PRKDC: variants seen among roughly 807,000 people sequenced by gnomAD.
PRKDC encodes DNA-dependent protein kinase catalytic subunit.
A neutral mutation model predicts 486.9 loss-of-function variants in PRKDC; 82 were observed. The ratio of observed to expected loss-of-function variants is 0.17; its 90% CI spans 0.14 to 0.20. PRKDC has a LOEUF of 0.20. Among genes scored for constraint, PRKDC ranks in the 10% least tolerant of loss-of-function variants. The pLI is 1.00. For synonymous variants in PRKDC, 1,895 were observed against 1,837.0 expected (o/e 1.03, Z -0.81); for missense variants, 4,504 against 5,038.2 (o/e 0.89, Z 3.21).
At chr8:47,936,072 A>C (rs1176003612) in intron 12 of PRKDC, among the ~76,000 whole-genome samples, 172 bp from the exon 13 acceptor site, 1 of 152,188 alleles carries the variant, frequency 6.6e-6, no homozygotes, top group Non-Finnish European at 1.5e-5. Context: ...TTAAAAAAAA[A>C]ACACACACTC....
chr8:47,960,105 C>T lies in PRKDC; in HGVS notation c.22G>A (p.Val8Met). The T allele has an allele frequency of 6.6e-7, 1 of 1,511,796 alleles. No individual in the cohort carries two copies. The highest frequency in any genetic ancestry group is 2.3e-4 in the Middle Eastern group (1 of 4,318). 93.6% of individuals were successfully genotyped at this position (1,511,796 alleles called of 1,614,324 possible). A position where few individuals can be genotyped will look rare whatever the true frequency, so the allele number is the denominator to read the frequency against. Reference protein sequence around the residue: MAGSGAGVRCSLLRLQET... With the variant: MAGSGAGMRCSLLRLQET... ...TGCAGCCGCAGCAGGGAGCAACGCA[C>T]ACCGGCTCCGGAGCCCGCCATGCCG... The change falls in exon 1 of 86, where the codon GTG (valine) becomes ATG (methionine). Residue 8 changes from valine to methionine, a missense_variant. Transcript: ENST00000314191.
chr8:47,957,208 A>AT lies in PRKDC; in HGVS notation c.286dup (p.Met96AsnfsTer11), dbSNP rs1415302197. ...AGAGTAAGGTGCGATCTTCTGGCCCATTTTTTCTAAGAAAATACATAAAAA... is the reference window on the plus strand; with the variant it reads ...AGAGTAAGGTGCGATCTTCTGGCCCATTTTTTTCTAAGAAAATACATAAAAA... On this transcript the variant is annotated frameshift_variant, in exon 3 of 86. Transcript: ENST00000314191. LOFTEE classifies it high-confidence loss of function. 1.2e-6 allele frequency: 2 copies of AT among 1,600,650 alleles called. No homozygotes were observed. Among genetic ancestry groups the AT allele is most frequent in the Non-Finnish European group, 1.7e-6 (2 of 1,170,130 alleles).
At chr8:47,904,017 T>C (rs2089729183) in intron 26 of PRKDC, among the ~76,000 whole-genome samples, 1 of 152,162 alleles carries the variant, frequency 6.6e-6, no homozygotes, top group African/African-American at 2.4e-5. Flanking sequence ...TAACCAGGGC[T>C]GTGCAGGAGA....
intron 68 of PRKDC, among the ~76,000 whole-genome samples, chr8:47,808,387 C>G (rs2087257834): frequency 1.3e-5 from 2 of 152,270 alleles, no homozygotes; most frequent in South Asian, 4.1e-4. Context: ...CTCAAGGAAT[C>G]CTTCTAAAGG....
chr8:47,959,906 C>T, intron 1 of PRKDC, 67 bp downstream of exon 1: 1 of 1,513,610 alleles, frequency 6.6e-7, no homozygotes, highest in Non-Finnish European at 8.8e-7. Context: ...AAGCGCCGGG[C>T]TGCCCGGCTC....
At position 47,874,536 on chromosome 8, in the gene PRKDC, T is replaced by C. The variant is rs542386765; in HGVS notation, c.5363+3188A>G. Among the ~76,000 whole-genome samples, 800 of 152,206 alleles carry C rather than the reference T, an allele frequency of 5.3e-3. 12 individuals are homozygous for C. The highest frequency in any genetic ancestry group is 0.019 in the African/African-American group (769 of 41,526). On this transcript the variant is annotated intron_variant, in intron 40 of 85. Coordinates refer to ENST00000314191, the MANE Select transcript of PRKDC (RefSeq NM_006904.7). Reference sequence around the variant, plus strand: ...ACTTTGGGCGGCTGAGGCGGGAGGATTGCCTGAGCTCAGGACTTTGAGACC... The same window carrying C: ...ACTTTGGGCGGCTGAGGCGGGAGGACTGCCTGAGCTCAGGACTTTGAGACC...
chr8:47,890,605 G>C, intron 31 of PRKDC, 125 bp from the exon 32 acceptor site: 1 of 603,802 alleles, frequency 1.7e-6, no homozygotes, highest in East Asian at 2.8e-5. Context: ...TTTTTCAAAA[G>C]AAACAAACAG....
At position 47,798,385 on chromosome 8, in the gene PRKDC, G is replaced by A; in HGVS notation, c.10310C>T (p.Ala3437Val). 6.2e-7 allele frequency: 1 copy of A among 1,600,162 alleles called. No homozygotes were observed. Among genetic ancestry groups the A allele is most frequent in the Non-Finnish European group, 8.5e-7 (1 of 1,174,098 alleles). ...AAGTGCTGGATACGCCTGCAGTTCT[G>A]CAGAATCAATAACTATCAAGGACAC... ...EEENASVIDS[A>V]ELQAYPALVV... Residue 3437 changes from alanine (A) to valine (V), a missense_variant, in exon 73 of 86, where the codon GCA becomes GTA. Transcript: ENST00000314191.
Position 47,855,371 on chromosome 8 carries a change from C to T in PRKDC, c.6612G>A (p.Gly2204=). 4 of 1,591,826 alleles carry T rather than the reference C, an allele frequency of 2.5e-6. No homozygotes were observed. The highest frequency in any genetic ancestry group is 2.6e-6 in the Non-Finnish European group (3 of 1,168,602). ...LSWTGLATPT[G]VPKDEVLANR... is the part of the protein sequence containing the mutation. ...TTGCTAACACTTCATCTTTAGGGAC[C>T]CCCTGAAAAGGTACAGAAATTCTGT... The change falls in exon 50 of 86, where the codon GGG becomes GGA. Residue 2204 remains glycine (G), a splice_region_variant and synonymous_variant. Transcript: ENST00000314191.
intron 25 of PRKDC, among the ~76,000 whole-genome samples, chr8:47,908,152 C>T (rs777653107): frequency 5.9e-5 from 9 of 152,340 alleles, no homozygotes; most frequent in South Asian, 2.1e-4. Context: ...AACCATGACA[C>T]GCAGGGTCCT....
chr8:47,834,146 A>G, intron 59 of PRKDC, 50 bp downstream of exon 59: 1 of 1,597,164 alleles, frequency 6.3e-7, no homozygotes. Flanking sequence ...TGAGCTCTGC[A>G]GTAATTTAGT....
At chr8:47,779,878 AC>A in intron 80 of PRKDC, among the ~76,000 whole-genome samples, 1 of 131,434 alleles carries the variant, frequency 7.6e-6, no homozygotes, top group Non-Finnish European at 1.6e-5. Context: ...GTGAGCCACC[AC>A]GCCTGGCCTC....
chr8:47,775,208 TA>T (rs1563727324), intron 85 of PRKDC, among the ~76,000 whole-genome samples: 4 of 150,880 alleles, frequency 2.7e-5, no homozygotes, highest in African/African-American at 9.8e-5. Context: ...AATAAATAAA[TA>T]AATAAATTAA....
At chr8:47,823,443 CCCTGAAG>C (rs1267129834) in intron 64 of PRKDC, among the ~76,000 whole-genome samples, 2 of 151,784 alleles carry the variant, frequency 1.3e-5, no homozygotes, top group Non-Finnish European at 2.9e-5. Context: ...CCAAGGCCTC[CCCTGAAG>C]CCAAGCAGAA....
At chr8:47,809,856 CCTCT>C (rs1449507636) in intron 68 of PRKDC, among the ~76,000 whole-genome samples, 1 of 152,154 alleles carries the variant, frequency 6.6e-6, no homozygotes, top group African/African-American at 2.4e-5. Flanking sequence ...CTTCCTGTTT[CCTCT>C]CTGTCTTACT....
chr8:47,850,565 A>G (rs2088380086), intron 52 of PRKDC, among the ~76,000 whole-genome samples: 2 of 152,238 alleles, frequency 1.3e-5, no homozygotes, highest in Non-Finnish European at 2.9e-5. Flanking sequence ...AACCCTTAAC[A>G]CAAAACCACA....
At position 47,820,764 on chromosome 8, in the gene PRKDC, G is replaced by T; in HGVS notation, c.9291C>A (p.Asp3097Glu). The T allele has an allele frequency of 6.2e-7, 1 of 1,602,486 alleles. No individual in the cohort carries two copies. Among genetic ancestry groups the T allele is most frequent in the Admixed American group, 1.7e-5 (1 of 58,390 alleles). The change falls in exon 66 of 86, where the codon GAC (aspartate) becomes GAA (glutamate). Residue 3097 changes from aspartate to glutamate, a missense_variant. By Grantham distance (45) the Asp-to-Glu change is conservative. Around this residue, in one of 6 missense-constraint regions of PRKDC, gnomAD observed 1,592 missense variants for 1,724.6 expected, o/e 0.92. Transcript: ENST00000314191. Reference protein sequence around the residue: ...SLLYLLQDDVDRAKYYIQNGI... With the variant: ...SLLYLLQDDVERAKYYIQNGI... ...CATTTTGAATGTAATATTTGGCTCTGTCAACATCATCTTGCAGGAGGTAAA... is the reference window on the plus strand; with the variant it reads ...CATTTTGAATGTAATATTTGGCTCTTTCAACATCATCTTGCAGGAGGTAAA...
In PRKDC at chr8:47,819,506, T is replaced by C. The variant is rs757261793; in HGVS notation, c.9341A>G (p.Tyr3114Cys). ...QNGIQSFMQN[Y>C]SSIDVLLHQS... is the part of the protein sequence containing the mutation. ...GTGTAAGAGGACATCAATACTAGAA[T>C]AATTCTTAAAAAAAAAAAAAAAAAA... The change falls in exon 67 of 86, where the codon TAT (tyrosine) becomes TGT (cysteine). Residue 3114 changes from tyrosine (Y) to cysteine (C), a missense_variant. Coordinates refer to ENST00000314191, the MANE Select transcript of PRKDC (RefSeq NM_006904.7). The C allele has an allele frequency of 1.1e-6, 1 of 906,912 alleles. No individual in the cohort carries two copies. The highest frequency in any genetic ancestry group is 1.5e-6 in the Non-Finnish European group (1 of 655,144). 56.2% of individuals were successfully genotyped at this position (906,912 alleles called of 1,614,324 possible). A position where few individuals can be genotyped will look rare whatever the true frequency, so the allele number is the denominator to read the frequency against.
At chr8:47,931,865 G>C (rs1335515594) in intron 16 of PRKDC, among the ~76,000 whole-genome samples, 1 of 152,170 alleles carries the variant, frequency 6.6e-6, no homozygotes, top group Non-Finnish European at 1.5e-5. Flanking sequence ...GACCAGAGCA[G>C]GGCAGCTCCA....
Sources: gnomAD v4.1 joint callset for allele counts (sites outside exome capture counted in the v4.1 genomes callset) on GRCh38, gnomAD v4.1.1 for gene constraint, gnomAD v4.1.1 regional missense constraint, MANE v1.5 for transcripts, NCBI Gene and HGNC (gene_info 2026-07-23, HGNC 2026-07-21) for gene names.